ERG: variants seen among roughly 807,000 people sequenced by gnomAD.
ERG encodes the protein transcriptional regulator ERG.
In ERG, 9 loss-of-function variants were observed where a neutral mutation model predicts 55.3. The observed-to-expected ratio is 0.16, with a 90% confidence interval of 0.10 to 0.28. The LOEUF (loss-of-function observed/expected upper bound fraction) is 0.28. ERG is among the 10% of genes least tolerant of loss of function. The pLI is 1.00. For missense variants in ERG, 434 were observed against 631.6 expected (o/e 0.69, Z 3.35); for synonymous variants, 223 against 237.3 (o/e 0.94, Z 0.55).
intron 2 of ERG, among the ~76,000 whole-genome samples, chr21:38,522,605 G>C (rs1339453411): frequency 6.6e-6 from 1 of 152,192 alleles, no homozygotes; most frequent in Non-Finnish European, 1.5e-5. Flanking sequence ...AACTTACAGT[G>C]TAGTAGATCA....
At chr21:38,527,981 C>A (rs920111302) in intron 2 of ERG, among the ~76,000 whole-genome samples, 3 of 152,166 alleles carry the variant, frequency 2.0e-5, no homozygotes, top group Admixed American at 6.5e-5. Flanking sequence ...GCTCTGAGGT[C>A]GAAAGTCCAA....
intron 2 of ERG, among the ~76,000 whole-genome samples, chr21:38,424,641 T>C (rs1401237626): frequency 1.3e-5 from 2 of 152,216 alleles, no homozygotes; most frequent in African/African-American, 4.8e-5. Context: ...GGACACTCGC[T>C]GCTCAGTGAG....
intron 6 of ERG, among the ~76,000 whole-genome samples, chr21:38,395,127 A>ATT (rs767106934): frequency 1.3e-5 from 2 of 152,222 alleles, no homozygotes; most frequent in African/African-American, 2.4e-5. Context: ...TCATAAACAT[A>ATT]TTGCCGCGGA....
Position 38,423,568 on chromosome 21 carries a change from G to A in ERG, c.237-7C>T, listed in dbSNP as rs1230391996. ...GCATTCATCAGGAGAGTTCCTGGAGGAGAAGAAATATTCTTCCATTATAAC... is the reference window on the plus strand; with the variant it reads ...GCATTCATCAGGAGAGTTCCTGGAGAAGAAGAAATATTCTTCCATTATAAC... On this transcript the variant is annotated splice_polypyrimidine_tract_variant and splice_region_variant and intron_variant, in intron 2 of 9. Coordinates refer to ENST00000288319, the MANE Select transcript of ERG (RefSeq NM_182918.4). The A allele has an allele frequency of 6.2e-7, 1 of 1,604,038 alleles. No homozygotes were observed. Among genetic ancestry groups the A allele is most frequent in the South Asian group, 1.1e-5 (1 of 90,570 alleles).
At chr21:38,628,490 G>A (rs538992197) in intron 1 of ERG, among the ~76,000 whole-genome samples, 26 of 152,248 alleles carry the variant, frequency 1.7e-4, no homozygotes, top group South Asian at 8.3e-4. Context: ...TCTAAGGACC[G>A]AGGGAGGGGT....
chr21:38,644,568 T>A (rs2060444985), intron 1 of ERG, among the ~76,000 whole-genome samples: 1 of 152,174 alleles, frequency 6.6e-6, no homozygotes, highest in South Asian at 2.1e-4. Flanking sequence ...AGGGTGAAAT[T>A]TGGTATGACA....
intron 2 of ERG, among the ~76,000 whole-genome samples, chr21:38,531,243 T>C (rs977897711): frequency 3.9e-5 from 6 of 152,310 alleles, no homozygotes; most frequent in Middle Eastern, 3.4e-3. Context: ...CTTCCCTCCA[T>C]TGGAATAATC....
At chr21:38,523,806 T>C (rs2059611879) in intron 2 of ERG, among the ~76,000 whole-genome samples, 1 of 152,222 alleles carries the variant, frequency 6.6e-6, no homozygotes, top group South Asian at 2.1e-4. Flanking sequence ...AGCCCAGTGA[T>C]GGCCCATCGG....
intron 2 of ERG, among the ~76,000 whole-genome samples, chr21:38,572,365 C>CAA (rs758324053): frequency 0.015 from 990 of 66,930 alleles, 21 homozygotes; most frequent in Middle Eastern, 0.037. Context: ...GAGACTCCAT[C>CAA]AAAAAAAAAA....
chr21:38,635,157 G>A (rs1423618802), intron 1 of ERG, among the ~76,000 whole-genome samples: 2 of 152,190 alleles, frequency 1.3e-5, no homozygotes, highest in African/African-American at 4.8e-5. Flanking sequence ...AGGATGAATA[G>A]GGAGAGCCCG....
intron 1 of ERG, among the ~76,000 whole-genome samples, chr21:38,590,173 C>T (rs1283878278): frequency 6.6e-6 from 1 of 152,126 alleles, no homozygotes; most frequent in Non-Finnish European, 1.5e-5. Flanking sequence ...TGGCATGGAA[C>T]CTCCCCTCAA....
At chr21:38,478,551 A>G (rs2059209667) in intron 1 of ERG, among the ~76,000 whole-genome samples, 1 of 152,200 alleles carries the variant, frequency 6.6e-6, no homozygotes, top group Non-Finnish European at 1.5e-5. Flanking sequence ...AGACAAGGGC[A>G]CACACAGACA....
chr21:38,529,663 C>G (rs1389348621), intron 2 of ERG, among the ~76,000 whole-genome samples: 1 of 152,100 alleles, frequency 6.6e-6, no homozygotes, highest in Non-Finnish European at 1.5e-5. Flanking sequence ...TTTATTTTTT[C>G]CATTAAGATA....
intron 1 of ERG, among the ~76,000 whole-genome samples, chr21:38,606,015 C>T (rs2060194767): frequency 6.6e-6 from 1 of 151,054 alleles, no homozygotes; most frequent in African/African-American, 2.4e-5. Flanking sequence ...ATAAGTAGGT[C>T]ATTAGACAGA....
intron 1 of ERG, among the ~76,000 whole-genome samples, chr21:38,447,122 C>T (rs115563480): frequency 4.6e-5 from 7 of 151,758 alleles, no homozygotes; most frequent in African/African-American, 1.7e-4. Context: ...TCTACTCTGT[C>T]GCTCGATCCT....
At chr21:38,502,453 C>T, upstream of ERG, 1 of 158,736 alleles carries the variant, frequency 6.3e-6, no homozygotes, top group South Asian at 1.6e-4. Context: ...AAATGAAATG[C>T]AATGGTGGCA....
chr21:38,445,311 A>G (rs1816607579), intron 2 of ERG, 93 bp downstream of exon 2: 2 of 988,644 alleles, frequency 2.0e-6, no homozygotes, highest in East Asian at 2.6e-5. Context: ...TTCTAAGTCA[A>G]TCTTTAGAGA....
intron 1 of ERG, among the ~76,000 whole-genome samples, chr21:38,643,852 G>C (rs76206020): frequency 6.6e-6 from 1 of 152,198 alleles, no homozygotes; most frequent in Non-Finnish European, 1.5e-5. Context: ...CTGTGGGCTT[G>C]AGCCATATGT....
downstream of ERG, among the ~76,000 whole-genome samples, chr21:38,379,249 T>C (rs2146402747): frequency 6.6e-6 from 1 of 152,352 alleles, no homozygotes; most frequent in South Asian, 2.1e-4. Context: ...TATCCTCATC[T>C]GAGTAAAGTA....
Sources: allele counts gnomAD v4.1 joint callset (sites outside exome capture counted in the v4.1 genomes callset), GRCh38; gene constraint gnomAD v4.1.1; transcripts MANE v1.5; gene names NCBI Gene and HGNC (gene_info 2026-07-23, HGNC 2026-07-21).